Variants in DNAJC1 observed in about 807,000 individuals in gnomAD.
DNAJC1 encodes the protein dnaJ homolog subfamily C member 1.
Under a neutral mutation model 76.6 loss-of-function variants are expected in DNAJC1, and 58 were observed. The ratio of observed to expected loss-of-function variants is 0.76; its 90% CI spans 0.61 to 0.94. The LOEUF is 0.94. DNAJC1 is among the 40% of genes least tolerant of loss of function. The probability of loss-of-function intolerance (pLI) is 0.00; values close to 1 mark genes in which losing one functional copy is unlikely to be tolerated. For missense variants in DNAJC1, 689 were observed against 677.3 expected (o/e 1.02, Z -0.19); for synonymous variants, 258 against 267.9 (o/e 0.96, Z 0.36).
chr10:21,765,843 C>CAA (rs11395428), intron 10 of DNAJC1, among the ~76,000 whole-genome samples: 13 of 151,532 alleles, frequency 8.6e-5, no homozygotes, highest in Non-Finnish European at 1.8e-4. Flanking sequence ...GACTCCGTCT[C>CAA]AAAAAAAAGG....
intron 8 of DNAJC1, among the ~76,000 whole-genome samples, chr10:21,818,052 C>A (rs1835103144): frequency 6.6e-6 from 1 of 152,214 alleles, no homozygotes; most frequent in African/African-American, 2.4e-5. Context: ...GTTCAGGGAA[C>A]AAGAGAGATA....
chr10:21,938,182 A>C (rs2131792153), intron 1 of DNAJC1, among the ~76,000 whole-genome samples: 1 of 152,216 alleles, frequency 6.6e-6, no homozygotes, highest in South Asian at 2.1e-4. Context: ...ATTTAAAACA[A>C]CTGAGGATTA....
chr10:21,778,139 A>G (rs951105664), intron 9 of DNAJC1, among the ~76,000 whole-genome samples: 14 of 152,208 alleles, frequency 9.2e-5, no homozygotes, highest in African/African-American at 3.4e-4. Context: ...CAGTGAGCCA[A>G]GATGGCACCA....
At chr10:21,820,418 T>A (rs895214207) in intron 8 of DNAJC1, among the ~76,000 whole-genome samples, 1 of 152,228 alleles carries the variant, frequency 6.6e-6, no homozygotes, top group South Asian at 2.1e-4. Flanking sequence ...GTATGTTTTA[T>A]CTCTCTTGGG....
intron 6 of DNAJC1, among the ~76,000 whole-genome samples, chr10:21,917,821 A>C (rs894950608): frequency 9.9e-5 from 15 of 152,012 alleles, no homozygotes; most frequent in Non-Finnish European, 2.2e-4. Context: ...GGATAAAAAG[A>C]AGCACACTAG....
intron 8 of DNAJC1, among the ~76,000 whole-genome samples, chr10:21,862,420 T>A (rs889130277): frequency 5.3e-5 from 8 of 150,344 alleles, no homozygotes; most frequent in Non-Finnish European, 1.0e-4. Context: ...ATACCATCTG[T>A]TACTACATTT....
At chr10:21,990,780 T>G (rs1838316305) in intron 1 of DNAJC1, among the ~76,000 whole-genome samples, 1 of 152,210 alleles carries the variant, frequency 6.6e-6, no homozygotes, top group Non-Finnish European at 1.5e-5. Context: ...TTTAAGATCT[T>G]GGACACCAGT....
chr10:22,001,339 AAAGTT>A (rs777004790), intron 1 of DNAJC1, among the ~76,000 whole-genome samples: 3 of 152,208 alleles, frequency 2.0e-5, no homozygotes, highest in Non-Finnish European at 4.4e-5. Flanking sequence ...GTCATCTAAC[AAAGTT>A]AAGATTCAAT....
intron 7 of DNAJC1, among the ~76,000 whole-genome samples, chr10:21,900,301 C>T (rs1232269298): frequency 6.6e-6 from 1 of 151,380 alleles, no homozygotes; most frequent in African/African-American, 2.4e-5. Context: ...CAACATTGCG[C>T]CACTGCACTT....
At chr10:21,826,342 GAT>G (rs1458626800) in intron 8 of DNAJC1, among the ~76,000 whole-genome samples, 2 of 151,060 alleles carry the variant, frequency 1.3e-5, no homozygotes, top group East Asian at 3.9e-4. Flanking sequence ...TTATTTTAGA[GAT>G]AGAGTCTCAC....
intron 8 of DNAJC1, among the ~76,000 whole-genome samples, chr10:21,813,150 GTCTCTCTCTC>G (rs1179588600): frequency 1.5e-5 from 1 of 66,118 alleles, no homozygotes; most frequent in East Asian, 4.2e-4. Flanking sequence ...TGGGTTACTT[GTCTCTCTCTC>G]TCTCTCTCTC....
At chr10:21,808,162 T>G (rs1259014903) in intron 8 of DNAJC1, among the ~76,000 whole-genome samples, 1 of 152,168 alleles carries the variant, frequency 6.6e-6, no homozygotes, top group East Asian at 1.9e-4. Context: ...TAAATCAAAT[T>G]ACCTAATTTC....
At chr10:21,989,145 T>C (rs1214644110) in intron 1 of DNAJC1, among the ~76,000 whole-genome samples, 1 of 152,176 alleles carries the variant, frequency 6.6e-6, no homozygotes, top group Non-Finnish European at 1.5e-5. Flanking sequence ...CCTCTTAAAT[T>C]ACTGTGAATA....
chr10:21,943,908 C>T (rs201088615), intron 1 of DNAJC1, among the ~76,000 whole-genome samples: 1 of 121,980 alleles, frequency 8.2e-6, no homozygotes, highest in Admixed American at 8.4e-5. Context: ...GCCACATCAG[C>T]AAAAAAAAAA....
intron 1 of DNAJC1, among the ~76,000 whole-genome samples, chr10:21,997,655 T>C (rs972243249): frequency 2.6e-5 from 4 of 152,206 alleles, no homozygotes; most frequent in Non-Finnish European, 5.9e-5. Flanking sequence ...CACGGATGAA[T>C]GGGCAATAAT....
chr10:21,793,053 C>A (rs1262902729), intron 9 of DNAJC1, among the ~76,000 whole-genome samples: 1 of 152,042 alleles, frequency 6.6e-6, no homozygotes, highest in Admixed American at 6.5e-5. Flanking sequence ...TGCCTATAAT[C>A]CCAGCATTTT....
chr10:21,913,645 G>A (rs1035655678), intron 6 of DNAJC1, among the ~76,000 whole-genome samples: 2 of 152,130 alleles, frequency 1.3e-5, no homozygotes, highest in East Asian at 3.9e-4. Flanking sequence ...GCATTTTGGA[G>A]GTTACAAAAA....
chr10:21,929,690 TAGAA>T (rs1028492296), intron 1 of DNAJC1, among the ~76,000 whole-genome samples: 2 of 152,146 alleles, frequency 1.3e-5, no homozygotes, highest in Admixed American at 6.5e-5. Flanking sequence ...TTATTATCAT[TAGAA>T]AGAGTTAAAT....
chr10:21,815,752 CTTTTT>C, intron 8 of DNAJC1, among the ~76,000 whole-genome samples: 1 of 145,016 alleles, frequency 6.9e-6, no homozygotes, highest in East Asian at 2.0e-4. Flanking sequence ...GGTTCATTTT[CTTTTT>C]TTTTTTGAGA....
Sources: gnomAD v4.1 joint callset for allele counts (sites outside exome capture counted in the v4.1 genomes callset) on GRCh38, gnomAD v4.1.1 for gene constraint, MANE v1.5 for transcripts, NCBI Gene and HGNC (gene_info 2026-07-23, HGNC 2026-07-21) for gene names.